Variants in FGF13 observed in about 807,000 individuals in gnomAD.
FGF13 encodes fibroblast growth factor 13.
A neutral mutation model predicts 19.5 loss-of-function variants in FGF13; 2 were observed. The observed-to-expected ratio is 0.10, with a 90% CI of 0.04 to 0.32. The LOEUF (loss-of-function observed/expected upper bound fraction) is 0.32, where lower values mean the gene tolerates loss of function less well. Ranked by LOEUF, FGF13 falls within the 10% of genes least tolerant of loss-of-function variation. The pLI, the probability that FGF13 is intolerant of heterozygous loss-of-function variation, is 1.00. For missense variants in FGF13, 113 were observed against 192.7 expected, an observed-to-expected ratio of 0.59 and a Z score of 2.45; for synonymous variants, 72 against 76.9, an observed-to-expected ratio of 0.94 and a Z score of 0.33.
chrX:138,620,653 G>A lies in FGF13; in HGVS notation c.*12197C>T, dbSNP rs1487547260. On this transcript the variant is annotated 3_prime_UTR_variant, in exon 5 of 5. Coordinates refer to ENST00000315930, the MANE Select transcript of FGF13 (RefSeq NM_004114.5). ...TTACCTATAAATAATTAATTTTAAT[G>A]TAAGTAGATTAAATTCTCTAATCAA... The A allele has an allele frequency of 9.0e-6, 1 of 111,527 alleles. No individual in the cohort carries two copies. Among genetic ancestry groups the A allele is most frequent in the East Asian group, 2.8e-4 (1 of 3,555 alleles). 9.2% of individuals were successfully genotyped at this position (111,527 alleles called of 1,213,427 possible).
At chrX:139,145,609 C>A (rs184942177) in intron 1 of FGF13, among the ~76,000 whole-genome samples, 1 of 110,080 alleles carries the variant, frequency 9.1e-6, no homozygotes, top group Non-Finnish European at 1.9e-5. Flanking sequence ...CCAGACCCAC[C>A]AGCACCGGTC....
intron 1 of FGF13, among the ~76,000 whole-genome samples, chrX:139,139,847 G>A (rs1255124735): frequency 9.0e-6 from 1 of 111,728 alleles, no homozygotes; most frequent in African/African-American, 3.3e-5. Flanking sequence ...AAGGCACAGA[G>A]GCAAGAGAGT....
intron 3 of FGF13, among the ~76,000 whole-genome samples, chrX:138,765,947 TC>T (rs1294480568): frequency 3.6e-5 from 4 of 111,404 alleles, no homozygotes. Flanking sequence ...AGCCCCTATT[TC>T]CACTCTGCTC....
At chrX:139,039,131 A>C (rs2092260553) in intron 1 of FGF13, among the ~76,000 whole-genome samples, 1 of 112,047 alleles carries the variant, frequency 8.9e-6, no homozygotes, top group Admixed American at 9.5e-5. Flanking sequence ...TTGAGCACTT[A>C]ATTTGTGCTA....
intron 3 of FGF13, among the ~76,000 whole-genome samples, chrX:138,693,039 C>T (rs1210812787): frequency 9.0e-6 from 1 of 111,108 alleles, no homozygotes; most frequent in Non-Finnish European, 1.9e-5. Flanking sequence ...AAACACTAGA[C>T]CATCACCCTG....
At chrX:138,991,959 T>C (rs1248739832) in intron 1 of FGF13, among the ~76,000 whole-genome samples, 1 of 112,049 alleles carries the variant, frequency 8.9e-6, no homozygotes, top group East Asian at 2.8e-4. Flanking sequence ...GCCAAAAGAA[T>C]ATGTTGTCAT....
At chrX:138,864,219 T>A (rs921748139) in intron 2 of FGF13, among the ~76,000 whole-genome samples, 8 of 112,456 alleles carry the variant, frequency 7.1e-5, no homozygotes, top group African/African-American at 2.6e-4. Flanking sequence ...CTGGAAACAC[T>A]TTTTTGACCC....
chrX:138,735,763 C>G (rs2090269737), intron 1 of FGF13, among the ~76,000 whole-genome samples: 1 of 111,856 alleles, frequency 8.9e-6, no homozygotes, highest in South Asian at 3.7e-4. Context: ...AAGCTTTGGT[C>G]AAATAATTTC....
At chrX:139,003,258 G>A (rs766570492) in intron 1 of FGF13, among the ~76,000 whole-genome samples, 24 of 109,519 alleles carry the variant, frequency 2.2e-4, no homozygotes, top group Middle Eastern at 9.3e-3. Flanking sequence ...AGCTCTTAAG[G>A]CAGCGCGTCT....
chrX:138,932,346 C>T lies in FGF13; in HGVS notation c.-112-67696G>A, dbSNP rs1339319112. ...CTGTAATCCCAACACTTTGGGAGGC[C>T]GAGGCGGGTGGATCATGAGGTCAGG... is the stretch of plus-strand genomic sequence containing the variant. On this transcript the variant is annotated intron_variant, in intron 1 of 2. Coordinates refer to the FGF13 transcript ENST00000421460. Among the ~76,000 whole-genome samples, 3 of 111,370 alleles carry T rather than the reference C, an allele frequency of 2.7e-5. No homozygotes were observed. The East Asian group carries it at 8.6e-4, about 32-fold the overall frequency.
At chrX:138,939,210 C>T (rs1182741552) in intron 1 of FGF13, among the ~76,000 whole-genome samples, 1 of 111,616 alleles carries the variant, frequency 9.0e-6, no homozygotes, top group African/African-American at 3.3e-5. Context: ...CATAGTCTGG[C>T]CTCCTGCTGG....
chrX:139,198,024 A>C (rs1013844660), intron 1 of FGF13, among the ~76,000 whole-genome samples: 2 of 107,592 alleles, frequency 1.9e-5, no homozygotes, highest in Non-Finnish European at 3.8e-5. Context: ...AAAAAGAATA[A>C]AATAAGAGTT....
At chrX:138,812,354 A>G (rs975604016) in intron 3 of FGF13, among the ~76,000 whole-genome samples, 1 of 112,087 alleles carries the variant, frequency 8.9e-6, no homozygotes, top group Admixed American at 9.5e-5. Flanking sequence ...CAATGGTGCT[A>G]TGAACATTCA....
At chrX:138,876,410 G>T (rs2091389482) in intron 1 of FGF13, among the ~76,000 whole-genome samples, 1 of 112,281 alleles carries the variant, frequency 8.9e-6, no homozygotes, top group Admixed American at 9.4e-5. Flanking sequence ...CACTAATCTG[G>T]GTGGGTCTGA....
chrX:139,028,121 T>A (rs776867643), intron 1 of FGF13, among the ~76,000 whole-genome samples: 2 of 111,719 alleles, frequency 1.8e-5, no homozygotes, highest in East Asian at 5.7e-4. Context: ...CTTAAATACA[T>A]CATGCAGGGA....
chrX:138,886,704 G>C (rs1346557909), intron 1 of FGF13, among the ~76,000 whole-genome samples: 2 of 112,033 alleles, frequency 1.8e-5, no homozygotes, highest in South Asian at 7.5e-4. Flanking sequence ...CACATGGTTT[G>C]AGGTAAATCT....
intron 1 of FGF13, among the ~76,000 whole-genome samples, chrX:139,143,424 T>C (rs1183721366): frequency 8.9e-6 from 1 of 112,389 alleles, no homozygotes; most frequent in Non-Finnish European, 1.9e-5. Context: ...TGACTAAATG[T>C]TAAATGTTAA....
rs753408859 is a variant in FGF13 at position 139,095,599 on chromosome X, T to C, written c.-113+107817A>G. Among the ~76,000 whole-genome samples, 181 of 112,185 alleles carry C rather than the reference T, an allele frequency of 1.6e-3. 2 individuals carry two copies. In the South Asian group the frequency reaches 0.027, roughly 17 times the overall value. ...GTGGCTTCGGCCTAATTGTTCTACC[T>C]ATCTGAGTCTCAGTTTTCTCATCTT... is the stretch of plus-strand genomic sequence containing the variant. On this transcript the variant is annotated intron_variant, in intron 1 of 2. Coordinates refer to the FGF13 transcript ENST00000421460.
At chrX:139,032,289 C>T (rs1281787479) in intron 1 of FGF13, among the ~76,000 whole-genome samples, 1 of 111,494 alleles carries the variant, frequency 9.0e-6, no homozygotes, top group African/African-American at 3.3e-5. Context: ...TTGCCCATAG[C>T]CCTTTCTGTT....
Sources: allele counts gnomAD v4.1 joint callset (sites outside exome capture counted in the v4.1 genomes callset), GRCh38; gene constraint gnomAD v4.1.1; transcripts MANE v1.5; gene names NCBI Gene and HGNC (gene_info 2026-07-23, HGNC 2026-07-21).